The following DAB1 variants were observed in gnomAD, a reference collection of about 807,000 sequenced individuals.
The protein encoded by DAB1 is DAB adaptor protein 1.
DAB1 carries 15 observed loss-of-function variants against 64.6 expected under a neutral mutation model. That is an observed-to-expected ratio of 0.23 (90% CI 0.16 to 0.36). The LOEUF (loss-of-function observed/expected upper bound fraction) is 0.36. Ranked by LOEUF, DAB1 falls within the 10% of genes least tolerant of loss-of-function variation. The pLI is 1.00. For synonymous variants in DAB1, 235 were observed against 251.9 expected, an observed-to-expected ratio of 0.93 and a Z score of 0.64; for missense variants, 596 against 706.7, an observed-to-expected ratio of 0.84 and a Z score of 1.78.
intron 1 of DAB1, among the ~76,000 whole-genome samples, chr1:57,318,861 G>T (rs1277725587): frequency 6.6e-6 from 1 of 151,968 alleles, no homozygotes; most frequent in Non-Finnish European, 1.5e-5. Flanking sequence ...TGAAAGGACT[G>T]CACCATCACA....
At chr1:58,089,027 C>T (rs969760032) in intron 5 of DAB1, among the ~76,000 whole-genome samples, 14 of 152,222 alleles carry the variant, frequency 9.2e-5, no homozygotes, top group African/African-American at 2.7e-4. Flanking sequence ...TAAGCCACAA[C>T]GCAGCAAAAT....
At chr1:57,738,564 A>G (rs2101785847) in intron 6 of DAB1, among the ~76,000 whole-genome samples, 1 of 152,230 alleles carries the variant, frequency 6.6e-6, no homozygotes, top group African/African-American at 2.4e-5. Context: ...TTTGTGTGTA[A>G]GTCTATCAGT....
intron 2 of DAB1, among the ~76,000 whole-genome samples, chr1:57,287,694 A>G (rs1439441294): frequency 6.6e-6 from 1 of 152,116 alleles, no homozygotes; most frequent in African/African-American, 2.4e-5. Flanking sequence ...AAGTTAGCAA[A>G]TTTGTTTAAT....
At chr1:57,274,883 AATT>A (rs1414521146) in intron 2 of DAB1, among the ~76,000 whole-genome samples, 2 of 102,042 alleles carry the variant, frequency 2.0e-5, no homozygotes, top group African/African-American at 1.1e-4. Flanking sequence ...CGCTCAGCCA[AATT>A]TTTTTTTTTT....
rs925389409 is a variant in DAB1 at position 57,568,983 on chromosome 1, G to A, written n.625+80609C>T. 1.2e-4 allele frequency among the ~76,000 whole-genome samples: 19 copies of A among 152,262 alleles called. No homozygotes were observed. The Middle Eastern group carries it at 0.01, about 82-fold the overall frequency. Reference sequence around the variant, plus strand: ...GCTATAAAGACACATGCACGGCCGGGCGCGGTGGCTCACGCCTGTAATCCC... The same window carrying A: ...GCTATAAAGACACATGCACGGCCGGACGCGGTGGCTCACGCCTGTAATCCC... On this transcript the variant is annotated intron_variant and non_coding_transcript_variant, in intron 7 of 20. Transcript: ENST00000485760.
intron 6 of DAB1, among the ~76,000 whole-genome samples, chr1:57,736,634 T>C (rs540426834): frequency 1.3e-5 from 2 of 151,950 alleles, no homozygotes; most frequent in East Asian, 3.9e-4. Context: ...ACGACCTGCA[T>C]TATTATTATT....
At chr1:58,235,264 GA>G (rs1341115875) in intron 4 of DAB1, among the ~76,000 whole-genome samples, 2 of 152,228 alleles carry the variant, frequency 1.3e-5, no homozygotes, top group Non-Finnish European at 2.9e-5. Flanking sequence ...TACAGCAATG[GA>G]AACTGGAATT....
At chr1:57,210,102 G>T (rs1665887161) in intron 2 of DAB1, among the ~76,000 whole-genome samples, 2 of 152,112 alleles carry the variant, frequency 1.3e-5, no homozygotes, top group East Asian at 3.9e-4. Flanking sequence ...CAATTAAATG[G>T]GAAGGCAGAA....
intron 2 of DAB1, among the ~76,000 whole-genome samples, chr1:58,520,067 T>C (rs907099211): frequency 2.4e-4 from 37 of 151,630 alleles, no homozygotes; most frequent in African/African-American, 8.0e-4. Flanking sequence ...GACACAAAGA[T>C]GGGAACAACA....
chr1:57,870,411 A>G (rs978658971), intron 1 of DAB1, among the ~76,000 whole-genome samples: 2 of 152,078 alleles, frequency 1.3e-5, no homozygotes, highest in South Asian at 2.1e-4. Flanking sequence ...TGATGGAGGA[A>G]GCATTTAATG....
intron 5 of DAB1, among the ~76,000 whole-genome samples, chr1:58,118,632 T>C (rs938530493): frequency 7.1e-6 from 1 of 140,550 alleles, no homozygotes; most frequent in Non-Finnish European, 1.5e-5. Context: ...AAAATACATA[T>C]ATATATAAAG....
intron 5 of DAB1, among the ~76,000 whole-genome samples, chr1:58,073,418 G>A (rs1649398869): frequency 6.6e-6 from 1 of 152,104 alleles, no homozygotes; most frequent in Admixed American, 6.5e-5. Context: ...AGAGCACCCT[G>A]TGCCAACCTT....
chr1:58,230,497 T>C (rs1365208061), intron 4 of DAB1, among the ~76,000 whole-genome samples: 1 of 152,152 alleles, frequency 6.6e-6, no homozygotes, highest in Non-Finnish European at 1.5e-5. Context: ...AAAACCCACC[T>C]CTACAACAAA....
intron 1 of DAB1, among the ~76,000 whole-genome samples, chr1:57,294,233 T>C (rs555778094): frequency 2.0e-5 from 3 of 152,366 alleles, no homozygotes; most frequent in African/African-American, 7.2e-5. Context: ...TTGCCTGGAA[T>C]TTTGAAATGC....
chr1:57,487,929 C>T (rs1438753162), intron 7 of DAB1, among the ~76,000 whole-genome samples: 1 of 152,150 alleles, frequency 6.6e-6, no homozygotes, highest in Non-Finnish European at 1.5e-5. Flanking sequence ...AGACTGTTTC[C>T]TTTCCTTTTC....
intron 5 of DAB1, among the ~76,000 whole-genome samples, chr1:58,020,959 C>T (rs1425673163): frequency 3.9e-5 from 6 of 152,246 alleles, no homozygotes; most frequent in Non-Finnish European, 5.9e-5. Flanking sequence ...GCAGAGATCA[C>T]GCCACTGTAC....
chr1:58,098,565 G>A (rs1651127025), intron 5 of DAB1, among the ~76,000 whole-genome samples: 1 of 152,164 alleles, frequency 6.6e-6, no homozygotes, highest in African/African-American at 2.4e-5. Context: ...GATAAATTGT[G>A]TTCCCAAAAT....
At chr1:58,107,864 A>C (rs1170245640) in intron 5 of DAB1, among the ~76,000 whole-genome samples, 1 of 151,936 alleles carries the variant, frequency 6.6e-6, no homozygotes, top group Non-Finnish European at 1.5e-5. Context: ...TGATCCACCC[A>C]CCTTGGCCTC....
At position 58,257,152 on chromosome 1, in the gene DAB1, T is replaced by C. The variant is rs114098922; in HGVS notation, n.309+86200A>G. Among the ~76,000 whole-genome samples the C allele has an allele frequency of 6.4e-3, 970 of 152,324 alleles. 9 individuals carry two copies. The highest frequency in any genetic ancestry group is 0.022 in the African/African-American group (911 of 41,582). ...ATAATTATCCAGAGCCTACTGTGTG[T>C]CACAGGCACTATGTTCAGTGTGTGA... is the stretch of plus-strand genomic sequence containing the variant. On this transcript the variant is annotated intron_variant and non_coding_transcript_variant, in intron 4 of 20. Transcript: ENST00000485760.
Sources: allele counts gnomAD v4.1 joint callset (sites outside exome capture counted in the v4.1 genomes callset), GRCh38; gene constraint gnomAD v4.1.1; transcripts MANE v1.5; gene names NCBI Gene and HGNC (gene_info 2026-07-23, HGNC 2026-07-21).